The following EXOC6 variants were observed in gnomAD, a reference collection of about 807,000 sequenced individuals.
EXOC6 encodes the protein exocyst complex component 6.
Under a neutral mutation model 112.5 loss-of-function variants are expected in EXOC6, and 60 were observed. The ratio of observed to expected loss-of-function variants is 0.53; its 90% CI spans 0.43 to 0.66. EXOC6 has a LOEUF of 0.66. EXOC6 is among the 30% of genes least tolerant of loss of function. EXOC6 has a pLI of 0.00. For missense variants in EXOC6, 855 were observed against 957.1 expected, an observed-to-expected ratio of 0.89 and a Z score of 1.41; for synonymous variants, 295 against 308.0, an observed-to-expected ratio of 0.96 and a Z score of 0.44.
intron 11 of EXOC6, 71 bp downstream of exon 11, chr10:92,934,501 C>A: frequency 7.7e-7 from 1 of 1,300,300 alleles, no homozygotes. Context: ...TGCATAATGT[C>A]AGAGGAAAAC....
intron 1 of EXOC6, among the ~76,000 whole-genome samples, chr10:92,873,817 G>A (rs1290945266): frequency 1.3e-5 from 2 of 152,050 alleles, no homozygotes; most frequent in African/African-American, 4.8e-5. Context: ...TTGGGAGGCC[G>A]AGGTGGGCAG....
At chr10:92,891,338 T>C (rs1373434337) in intron 1 of EXOC6, among the ~76,000 whole-genome samples, 1 of 152,126 alleles carries the variant, frequency 6.6e-6, no homozygotes, top group East Asian at 1.9e-4. Context: ...CAAGATGACA[T>C]GGAGATAGAA....
At chr10:93,044,696 A>AT (rs905327641) in intron 20 of EXOC6, among the ~76,000 whole-genome samples, 2 of 151,778 alleles carry the variant, frequency 1.3e-5, no homozygotes, top group Non-Finnish European at 2.9e-5. Context: ...ATTGGAGTCT[A>AT]TTTTTTTTCC....
intron 20 of EXOC6, among the ~76,000 whole-genome samples, chr10:93,053,988 G>A (rs1846426945): frequency 6.6e-6 from 1 of 152,328 alleles, no homozygotes; most frequent in African/African-American, 2.4e-5. Flanking sequence ...TGGATCTTCA[G>A]TCATTGGATT....
chr10:93,041,502 CTGCCTCAGCCTCCCAAGTA>C (rs1281747978), intron 20 of EXOC6, among the ~76,000 whole-genome samples: 1 of 152,038 alleles, frequency 6.6e-6, no homozygotes. Context: ...AGCAATTCTT[CTGCCTCAGCCTCCCAAGTA>C]TGCCTCAGCC....
At chr10:93,007,283 CA>C (rs758472982) in intron 19 of EXOC6, among the ~76,000 whole-genome samples, 29 of 84,584 alleles carry the variant, frequency 3.4e-4, no homozygotes, top group South Asian at 2.0e-3. Context: ...TTTTCCTACT[CA>C]AAAATTTTTT....
intron 19 of EXOC6, among the ~76,000 whole-genome samples, chr10:92,997,959 A>T (rs1218816555): frequency 6.6e-6 from 1 of 152,184 alleles, no homozygotes; most frequent in African/African-American, 2.4e-5. Flanking sequence ...TGTCATTCTT[A>T]CTTGCCCTGT....
intron 12 of EXOC6, among the ~76,000 whole-genome samples, chr10:92,936,628 A>G (rs922897936): frequency 1.3e-5 from 2 of 152,240 alleles, no homozygotes; most frequent in Non-Finnish European, 2.9e-5. Context: ...ACAAAAAAAT[A>G]AGATTTTTCT....
intron 16 of EXOC6, among the ~76,000 whole-genome samples, 192 bp from the exon 17 acceptor site, chr10:92,955,388 G>GTGTGTA (rs781394983): frequency 0.013 from 1,855 of 147,620 alleles, 39 homozygotes; most frequent in African/African-American, 0.044. Context: ...GTGTGTGTGT[G>GTGTGTA]TATATATATA....
intron 19 of EXOC6, among the ~76,000 whole-genome samples, chr10:93,002,484 C>G (rs1843798269): frequency 6.6e-6 from 1 of 152,104 alleles, no homozygotes; most frequent in African/African-American, 2.4e-5. Flanking sequence ...AATCTTGGGC[C>G]CCACCTGCTG....
chr10:92,932,642 T>C (rs1361163559), intron 9 of EXOC6, among the ~76,000 whole-genome samples: 2 of 151,702 alleles, frequency 1.3e-5, no homozygotes, highest in African/African-American at 2.4e-5. Context: ...AAGAGCAGAG[T>C]TGGCCACTAA....
In EXOC6 at chr10:92,921,682, C is replaced by T. The variant is rs374457284; in HGVS notation, c.888+1632C>T. ...TTTTTTTTTGAGATAGGGTCTTGCT[C>T]TGTCACCCAAGATGGAGTGCAGTGG... On this transcript the variant is annotated intron_variant, in intron 8 of 21. Coordinates refer to ENST00000260762, the MANE Select transcript of EXOC6 (RefSeq NM_019053.6). Among the ~76,000 whole-genome samples, 10 of 143,834 alleles carry T rather than the reference C, an allele frequency of 7.0e-5. No homozygotes were observed. In the East Asian group the frequency reaches 1.6e-3, roughly 23 times the overall value. 94.4% of individuals were successfully genotyped at this position (143,834 alleles called of 152,430 possible). A position where few individuals can be genotyped will look rare whatever the true frequency, so the allele number is the denominator to read the frequency against.
intron 20 of EXOC6, among the ~76,000 whole-genome samples, chr10:93,018,127 A>G (rs1844626700): frequency 6.6e-6 from 1 of 152,130 alleles, no homozygotes; most frequent in South Asian, 2.1e-4. Context: ...ATATGTAAAG[A>G]TTAAATAAGA....
intron 12 of EXOC6, among the ~76,000 whole-genome samples, chr10:92,937,963 A>G (rs1011983890): frequency 6.6e-6 from 1 of 152,186 alleles, no homozygotes; most frequent in African/African-American, 2.4e-5. Flanking sequence ...TAAATTAACT[A>G]TATCCCCAAG....
intron 9 of EXOC6, among the ~76,000 whole-genome samples, chr10:92,932,109 A>G (rs1852071388): frequency 6.6e-6 from 1 of 152,212 alleles, no homozygotes; most frequent in South Asian, 2.1e-4. Context: ...ATATAATGGA[A>G]CTACTCGGCA....
chr10:92,999,984 A>G (rs1184156428), intron 19 of EXOC6, among the ~76,000 whole-genome samples: 5 of 152,120 alleles, frequency 3.3e-5, no homozygotes, highest in Admixed American at 6.6e-5. Flanking sequence ...GATTACAGGC[A>G]TGAACCACCG....
At chr10:92,980,721 C>T (rs1842796182) in intron 18 of EXOC6, among the ~76,000 whole-genome samples, 1 of 152,138 alleles carries the variant, frequency 6.6e-6, no homozygotes. Context: ...AATTTTATCT[C>T]TAAATTAGTA....
intron 20 of EXOC6, among the ~76,000 whole-genome samples, chr10:93,034,681 C>A (rs149941965): frequency 6.6e-6 from 1 of 152,324 alleles, no homozygotes; most frequent in South Asian, 2.1e-4. Flanking sequence ...TAAGGCATCA[C>A]AACATACAAT....
chr10:92,869,949 CTTTTTTTTTTT>C (rs34082304), intron 1 of EXOC6, among the ~76,000 whole-genome samples: 1 of 100,016 alleles, frequency 1.0e-5, no homozygotes, highest in Non-Finnish European at 2.0e-5. Flanking sequence ...GGCTTGTGGG[CTTTTTTTTTTT>C]TTTTTTTTTG....
Sources: allele counts gnomAD v4.1 joint callset (sites outside exome capture counted in the v4.1 genomes callset), GRCh38; gene constraint gnomAD v4.1.1; transcripts MANE v1.5; gene names NCBI Gene and HGNC (gene_info 2026-07-23, HGNC 2026-07-21).